The following NPAS3 variants were observed in gnomAD, a reference collection of about 807,000 sequenced individuals.
NPAS3 encodes neuronal PAS domain protein 3.
NPAS3 carries 14 observed loss-of-function variants against 73.1 expected under a neutral mutation model. The observed-to-expected ratio is 0.19, with a 90% CI of 0.13 to 0.30. The LOEUF (loss-of-function observed/expected upper bound fraction) is 0.30. NPAS3 is among the 10% of genes least tolerant of loss of function. The pLI is 1.00. For missense variants in NPAS3, 1,096 were observed against 1,250.0 expected, an observed-to-expected ratio of 0.88 and a Z score of 1.86; for synonymous variants, 620 against 541.5, an observed-to-expected ratio of 1.14 and a Z score of -2.01.
intron 1 of NPAS3, among the ~76,000 whole-genome samples, chr14:33,019,841 A>T (rs1043073421): frequency 6.6e-6 from 1 of 152,222 alleles, no homozygotes; most frequent in Admixed American, 6.5e-5. Context: ...ATTTGAATAG[A>T]TATGGAGAAT....
intron 1 of NPAS3, among the ~76,000 whole-genome samples, chr14:32,982,894 A>G (rs1011167458): frequency 1.3e-5 from 2 of 152,180 alleles, no homozygotes; most frequent in Non-Finnish European, 2.9e-5. Context: ...AGTTTTGCTT[A>G]TTGTTCTGTA....
At chr14:33,411,507 C>G (rs1319955066) in intron 4 of NPAS3, among the ~76,000 whole-genome samples, 1 of 152,116 alleles carries the variant, frequency 6.6e-6, no homozygotes, top group Non-Finnish European at 1.5e-5. Context: ...TTTGTCACAA[C>G]TTCGGGTTGC....
chr14:33,203,279 T>G (rs1465092509), intron 2 of NPAS3, among the ~76,000 whole-genome samples: 1 of 152,242 alleles, frequency 6.6e-6, no homozygotes, highest in African/African-American at 2.4e-5. Context: ...CCTGTGCTAC[T>G]TAATTTCTGA....
intron 4 of NPAS3, among the ~76,000 whole-genome samples, chr14:33,407,311 C>T (rs768035998): frequency 6.6e-6 from 1 of 152,074 alleles, no homozygotes; most frequent in African/African-American, 2.4e-5. Flanking sequence ...CTCCACGAGT[C>T]CTAGGTACTT....
At chr14:33,772,362 C>T (rs905686547) in intron 7 of NPAS3, among the ~76,000 whole-genome samples, 2 of 152,148 alleles carry the variant, frequency 1.3e-5, no homozygotes, top group East Asian at 1.9e-4. Context: ...CAACTTTGGC[C>T]CCCTTCAGTA....
chr14:33,663,783 G>T (rs2059376900), intron 5 of NPAS3, among the ~76,000 whole-genome samples: 1 of 152,138 alleles, frequency 6.6e-6, no homozygotes, highest in Admixed American at 6.5e-5. Context: ...GAGGGTGTAT[G>T]TGTCCAGGAA....
At chr14:33,033,005 G>C (rs926276747) in intron 1 of NPAS3, among the ~76,000 whole-genome samples, 6 of 152,102 alleles carry the variant, frequency 3.9e-5, no homozygotes, top group African/African-American at 1.4e-4. Context: ...GTTTCAGCTT[G>C]CCTATAGTCT....
chr14:33,652,530 C>T (rs1018193998), intron 5 of NPAS3, among the ~76,000 whole-genome samples: 12 of 152,154 alleles, frequency 7.9e-5, no homozygotes, highest in African/African-American at 1.2e-4. Context: ...ACCAGGGGCT[C>T]GCAGAGCCCA....
At chr14:32,975,184 C>A (rs1349230064) in intron 1 of NPAS3, among the ~76,000 whole-genome samples, 3 of 152,170 alleles carry the variant, frequency 2.0e-5, no homozygotes, top group Non-Finnish European at 4.4e-5. Flanking sequence ...CAGATCAAGT[C>A]TTTTAATACT....
intron 4 of NPAS3, among the ~76,000 whole-genome samples, chr14:33,383,697 G>A (rs1395951273): frequency 2.6e-5 from 4 of 152,116 alleles, no homozygotes; most frequent in African/African-American, 9.7e-5. Context: ...CCTTTTAAAG[G>A]CTTTGCATGA....
chr14:33,187,664 G>C (rs914205777), intron 2 of NPAS3, among the ~76,000 whole-genome samples: 1 of 152,126 alleles, frequency 6.6e-6, no homozygotes. Context: ...CCTGTGAATA[G>C]CCACTGCACT....
intron 1 of NPAS3, among the ~76,000 whole-genome samples, chr14:33,033,480 AAT>A (rs201896193): frequency 6.6e-6 from 1 of 151,432 alleles, no homozygotes; most frequent in East Asian, 1.9e-4. Flanking sequence ...CCCTAACTCA[AAT>A]ATATATATAT....
chr14:33,660,387 T>C (rs148172559), intron 5 of NPAS3, among the ~76,000 whole-genome samples: 48 of 152,346 alleles, frequency 3.2e-4, no homozygotes, highest in African/African-American at 1.1e-3. Context: ...TGTTCTTTTA[T>C]GGATAAAGAA....
At chr14:33,527,525 G>A (rs368059054) in intron 4 of NPAS3, among the ~76,000 whole-genome samples, 1 of 152,192 alleles carries the variant, frequency 6.6e-6, no homozygotes. Context: ...TTCTTTCTGT[G>A]TATGATTTTA....
intron 7 of NPAS3, among the ~76,000 whole-genome samples, chr14:33,761,191 T>G (rs1403054200): frequency 6.6e-6 from 1 of 151,178 alleles, no homozygotes; most frequent in Admixed American, 6.6e-5. Context: ...CTGACAGTTT[T>G]GATCCTAACA....
intron 2 of NPAS3, among the ~76,000 whole-genome samples, chr14:33,137,069 A>G (rs2139148436): frequency 6.6e-6 from 1 of 152,368 alleles, no homozygotes; most frequent in Non-Finnish European, 1.5e-5. Context: ...ATCAATGCAA[A>G]AAAAGAATAA....
chr14:33,593,539 G>C (rs906014732), intron 5 of NPAS3, among the ~76,000 whole-genome samples: 3 of 152,210 alleles, frequency 2.0e-5, no homozygotes, highest in African/African-American at 7.2e-5. Context: ...GGGGGAAACT[G>C]CAGATGCCAG....
intron 2 of NPAS3, among the ~76,000 whole-genome samples, chr14:33,113,383 C>T (rs61974910): frequency 0.15 from 22,764 of 152,092 alleles, 1,982 homozygotes; most frequent in Non-Finnish European, 0.21. Flanking sequence ...AGGTCCTTCA[C>T]GTCCCTTGTA....
intron 3 of NPAS3, among the ~76,000 whole-genome samples, chr14:33,287,267 T>G (rs1281189720): frequency 6.6e-6 from 1 of 152,196 alleles, no homozygotes; most frequent in African/African-American, 2.4e-5. Context: ...CATGAAGTTT[T>G]ACAATGTAGA....
Sources: allele counts gnomAD v4.1 joint callset (sites outside exome capture counted in the v4.1 genomes callset), GRCh38; gene constraint gnomAD v4.1.1; transcripts MANE v1.5; gene names NCBI Gene and HGNC (gene_info 2026-07-23, HGNC 2026-07-21).